The following RNF150 variants were observed in gnomAD, a reference collection of about 807,000 sequenced individuals.
RNF150 encodes ring finger protein 150.
A neutral mutation model predicts 39.3 loss-of-function variants in RNF150; 24 were observed. The observed-to-expected ratio is 0.61, with a 90% CI of 0.44 to 0.86. RNF150 has a LOEUF of 0.86. Ranked by LOEUF, RNF150 falls within the 40% of genes least tolerant of loss-of-function variation. The pLI, the probability that RNF150 is intolerant of heterozygous loss-of-function variation, is 0.00. For synonymous variants in RNF150, 255 were observed against 227.3 expected (o/e 1.12, Z -1.10); for missense variants, 502 against 587.8 (o/e 0.85, Z 1.51).
chr4:141,007,611 T>G (rs1457838392), intron 1 of RNF150, among the ~76,000 whole-genome samples: 1 of 152,258 alleles, frequency 6.6e-6, no homozygotes, highest in African/African-American at 2.4e-5. Context: ...TAAAATTTGA[T>G]GTTGAAGTAA....
At chr4:141,076,626 C>CCT (rs1287688795) in intron 1 of RNF150, among the ~76,000 whole-genome samples, 1 of 151,664 alleles carries the variant, frequency 6.6e-6, no homozygotes, top group African/African-American at 2.4e-5. Context: ...TCCTGATTTT[C>CCT]CTCCATTCCT....
At chr4:141,078,151 T>C (rs1377536454) in intron 1 of RNF150, among the ~76,000 whole-genome samples, 1 of 152,162 alleles carries the variant, frequency 6.6e-6, no homozygotes, top group Non-Finnish European at 1.5e-5. Context: ...TCTCTGGGAA[T>C]TTATCCTTGT....
At chr4:141,048,768 G>A (rs1450387683) in intron 1 of RNF150, among the ~76,000 whole-genome samples, 1 of 152,096 alleles carries the variant, frequency 6.6e-6, no homozygotes, top group Non-Finnish European at 1.5e-5. Flanking sequence ...CTGTATGTGA[G>A]TGAGAAAGAA....
chr4:140,919,834 C>T (rs574477456), intron 5 of RNF150, among the ~76,000 whole-genome samples: 5 of 152,246 alleles, frequency 3.3e-5, no homozygotes, highest in African/African-American at 1.2e-4. Context: ...GGTACCAAAA[C>T]AGAGATATAG....
intron 1 of RNF150, among the ~76,000 whole-genome samples, chr4:141,097,983 C>G (rs1024821721): frequency 6.6e-6 from 1 of 150,832 alleles, no homozygotes; most frequent in African/African-American, 2.5e-5. Context: ...CTTCAGATGC[C>G]CCCCTCCCTT....
At chr4:140,972,139 C>T (rs1733491091) in intron 1 of RNF150, among the ~76,000 whole-genome samples, 1 of 151,920 alleles carries the variant, frequency 6.6e-6, no homozygotes, top group African/African-American at 2.4e-5. Context: ...TTATATTGTC[C>T]CATTTGTAGA....
chr4:141,150,385 C>T (rs1033502960), intron 1 of RNF150, among the ~76,000 whole-genome samples: 3 of 152,192 alleles, frequency 2.0e-5, no homozygotes, highest in Non-Finnish European at 2.9e-5. Flanking sequence ...GATGGCTTCT[C>T]GCCGTCACCA....
chr4:141,111,043 T>C (rs4956513), intron 1 of RNF150, among the ~76,000 whole-genome samples: 115,838 of 151,934 alleles, frequency 0.76, 45,380 homozygotes, highest in East Asian at 0.89. Flanking sequence ...TGAAGAGCCA[T>C]GTCCTAAGAG....
intron 1 of RNF150, among the ~76,000 whole-genome samples, chr4:140,986,165 T>C (rs745607908): frequency 6.6e-5 from 10 of 152,090 alleles, no homozygotes; most frequent in Non-Finnish European, 1.5e-4. Context: ...GAAACAACGT[T>C]ACCCTCTTTA....
intron 1 of RNF150, among the ~76,000 whole-genome samples, chr4:141,032,099 T>G (rs190755167): frequency 1.2e-4 from 18 of 151,746 alleles, no homozygotes; most frequent in African/African-American, 3.9e-4. Flanking sequence ...CAGTGAAATA[T>G]TCAGCCTTAA....
chr4:141,137,423 A>G (rs1442291331), upstream of RNF150, among the ~76,000 whole-genome samples: 3 of 152,238 alleles, frequency 2.0e-5, no homozygotes, highest in East Asian at 3.8e-4. Flanking sequence ...TCGATCCTCA[A>G]TATGTTTTGA....
chr4:141,159,953 G>T (rs1178960273), intron 1 of RNF150, among the ~76,000 whole-genome samples: 3 of 151,574 alleles, frequency 2.0e-5, no homozygotes, highest in Non-Finnish European at 4.4e-5. Context: ...GTTACAATTC[G>T]CAACAATTGT....
chr4:140,967,621 A>G lies in RNF150; in HGVS notation c.735+2T>C. The G allele has an allele frequency of 6.2e-7, 1 of 1,600,902 alleles. No homozygotes were observed. The highest frequency in any genetic ancestry group is 8.5e-7 in the Non-Finnish European group (1 of 1,170,196). On this transcript the variant is annotated splice_donor_variant, in intron 2 of 6. Transcript: ENST00000515673. LOFTEE classifies it high-confidence loss of function. ...AAAGTTTTTTAACTTTTTGCTACTC[A>G]CCTGGTTCCTATCCCTGGCATTTGC...
intron 1 of RNF150, among the ~76,000 whole-genome samples, chr4:141,195,394 A>G (rs1292792831): frequency 6.6e-6 from 1 of 152,176 alleles, no homozygotes; most frequent in African/African-American, 2.4e-5. Context: ...AGCTTTTCAG[A>G]TATTAATTTA....
chr4:141,182,960 C>A (rs962825242), intron 1 of RNF150, among the ~76,000 whole-genome samples: 9 of 151,688 alleles, frequency 5.9e-5, no homozygotes, highest in Non-Finnish European at 1.2e-4. Flanking sequence ...CCAAAACAGC[C>A]TGGTACTGGT....
intron 1 of RNF150, among the ~76,000 whole-genome samples, chr4:141,036,286 A>G (rs562678247): frequency 6.6e-6 from 1 of 152,288 alleles, no homozygotes; most frequent in East Asian, 1.9e-4. Flanking sequence ...GATTTGTTGA[A>G]TGGATAGGCA....
At chr4:140,935,067 T>A (rs553825921) in intron 4 of RNF150, among the ~76,000 whole-genome samples, 4 of 116,400 alleles carry the variant, frequency 3.4e-5, no homozygotes, top group Non-Finnish European at 6.6e-5. Flanking sequence ...TATATATATA[T>A]AATATATATA....
chr4:140,894,733 T>C (rs1729876375), intron 6 of RNF150, among the ~76,000 whole-genome samples: 1 of 152,222 alleles, frequency 6.6e-6, no homozygotes, highest in African/African-American at 2.4e-5. Context: ...TAGGTACTGC[T>C]GAATAGATCT....
chr4:140,889,393 T>A (rs1203933117), intron 6 of RNF150, among the ~76,000 whole-genome samples: 1 of 152,216 alleles, frequency 6.6e-6, no homozygotes. Flanking sequence ...GGAGTTGGTA[T>A]TTTAAAAAAT....
Sources: allele counts gnomAD v4.1 joint callset (sites outside exome capture counted in the v4.1 genomes callset), GRCh38; gene constraint gnomAD v4.1.1; transcripts MANE v1.5; gene names NCBI Gene and HGNC (gene_info 2026-07-23, HGNC 2026-07-21).